The following CSMD2 variants were observed in gnomAD, a reference collection of about 807,000 sequenced individuals.
The protein encoded by CSMD2 is CUB and sushi domain-containing protein 2.
CSMD2 carries 130 observed loss-of-function variants against 398.5 expected under a neutral mutation model. The observed-to-expected ratio is 0.33, with a 90% CI of 0.28 to 0.38. CSMD2 has a LOEUF of 0.38. Ranked by LOEUF, CSMD2 falls within the 10% of genes least tolerant of loss-of-function variation. CSMD2 has a pLI of 1.00. For missense variants in CSMD2, 3,829 were observed against 4,764.9 expected, an observed-to-expected ratio of 0.80 and a Z score of 5.78; for synonymous variants, 1,828 against 1,908.5, an observed-to-expected ratio of 0.96 and a Z score of 1.10.
At chr1:33,616,570 CT>C (rs1641402223) in intron 39 of CSMD2, among the ~76,000 whole-genome samples, 2 of 152,214 alleles carry the variant, frequency 1.3e-5, no homozygotes, top group African/African-American at 2.4e-5. Context: ...ATTTGTCTGT[CT>C]GTCCCACAAG....
chr1:33,694,610 C>T (rs539734671), intron 24 of CSMD2, among the ~76,000 whole-genome samples: 40 of 152,266 alleles, frequency 2.6e-4, no homozygotes, highest in African/African-American at 7.5e-4. Context: ...CTTCCCCTTC[C>T]GCCATGATTG....
chr1:33,869,044 C>T (rs1640253420), intron 5 of CSMD2: 1 of 152,222 alleles, frequency 6.6e-6, no homozygotes, highest in South Asian at 2.1e-4. Context: ...GCCGGAGCAA[C>T]TGGAGGTGTG....
chr1:33,602,563 A>G lies in CSMD2; in HGVS notation c.6533-17T>C, dbSNP rs765506088. On this transcript the variant is annotated splice_polypyrimidine_tract_variant and intron_variant, in intron 42 of 70. Coordinates refer to ENST00000373381, the MANE Select transcript of CSMD2 (RefSeq NM_001281956.2). ...CACAAGGGACTGCCAGGGAGGGAACACAAACGTAAGTGCAGGGCCTCGGTA... is the reference window on the plus strand; with the variant it reads ...CACAAGGGACTGCCAGGGAGGGAACGCAAACGTAAGTGCAGGGCCTCGGTA... 1 of 1,574,908 alleles carries G rather than the reference A, an allele frequency of 6.3e-7. No individual in the cohort carries two copies. The highest frequency in any genetic ancestry group is 2.3e-5 in the East Asian group (1 of 43,950).
chr1:34,080,957 A>AGAAAGAAAGAAAGAAAGAAAGAAG lies in CSMD2; in HGVS notation c.404+8019_404+8020insCTTCTTTCTTTCTTTCTTTCTTTC, dbSNP rs1558349616. On this transcript the variant is annotated intron_variant, in intron 2 of 70. Transcript: ENST00000373381. ...AAGAAAGAAAGAAAGAAAGAAAGAA[A>AGAAAGAAAGAAAGAAAGAAAGAAG]GAAAGAAAGAAAGAAAGAAATGCAC... 5.1e-5 allele frequency among the ~76,000 whole-genome samples: 7 copies of AGAAAGAAAGAAAGAAAGAAAGAAG among 136,498 alleles called. No homozygotes were observed. In the East Asian group the frequency reaches 1.2e-3, roughly 23 times the overall value. The allele number at this position is 136,498 out of a possible 152,430, so 89.5% of individuals were successfully genotyped here.
chr1:33,525,151 C>T, intron 65 of CSMD2, 108 bp from the exon 66 acceptor site: 1 of 1,157,488 alleles, frequency 8.6e-7, no homozygotes, highest in Non-Finnish European at 1.3e-6. Context: ...TTCCTTTCCC[C>T]AATGTCTACC....
chr1:34,139,352 T>G (rs556081635), intron 1 of CSMD2, among the ~76,000 whole-genome samples: 63 of 152,292 alleles, frequency 4.1e-4, no homozygotes, highest in Middle Eastern at 3.4e-3. Context: ...ACCATGGGAC[T>G]CTGCAGAGAG....
intron 13 of CSMD2, among the ~76,000 whole-genome samples, chr1:33,757,391 C>T (rs1355306780): frequency 2.0e-5 from 3 of 152,028 alleles, no homozygotes; most frequent in Admixed American, 6.6e-5. Context: ...TGTCTTCTTC[C>T]CCAAACTTGA....
intron 5 of CSMD2, among the ~76,000 whole-genome samples, chr1:33,850,226 C>T (rs371885530): frequency 1.6e-4 from 25 of 151,786 alleles, no homozygotes; most frequent in African/African-American, 2.4e-4. Context: ...TGAGTGTGCA[C>T]GCACACACAC....
intron 3 of CSMD2, among the ~76,000 whole-genome samples, chr1:33,987,897 CA>C (rs926839287): frequency 2.6e-5 from 4 of 152,310 alleles, no homozygotes; most frequent in African/African-American, 9.6e-5. Flanking sequence ...TGCTTTAATT[CA>C]CACCTGCATC....
rs531360346 is a variant in CSMD2 at position 33,550,167 on chromosome 1, T to C, written c.8917+10A>G. 34 of 1,611,460 alleles carry C rather than the reference T, an allele frequency of 2.1e-5. No homozygotes were observed. The South Asian group carries it at 2.9e-4, about 14-fold the overall frequency. Reference sequence around the variant, plus strand: ...CACTGGAGCTCTTTCCTCAATGCCATGCACCATACCTGAGCAGTGAGGGAG... The same window carrying C: ...CACTGGAGCTCTTTCCTCAATGCCACGCACCATACCTGAGCAGTGAGGGAG... On this transcript the variant is annotated intron_variant, in intron 56 of 70. Transcript: ENST00000373381.
At chr1:33,778,281 G>A (rs183357546) in intron 12 of CSMD2, among the ~76,000 whole-genome samples, 7 of 151,988 alleles carry the variant, frequency 4.6e-5, no homozygotes, top group African/African-American at 9.7e-5. Flanking sequence ...CTGCAGCCTC[G>A]AACTCCTGGG....
chr1:33,540,765 T>C lies in CSMD2; in HGVS notation c.9458-67A>G, dbSNP rs988164009. 6.9e-5 allele frequency: 108 copies of C among 1,570,124 alleles called. 1 individual carries two copies. The highest frequency in any genetic ancestry group is 1.4e-4 in the Admixed American group (8 of 58,864). On this transcript the variant is annotated intron_variant, in intron 59 of 70. Coordinates refer to ENST00000373381, the MANE Select transcript of CSMD2 (RefSeq NM_001281956.2). ...GGGAAACCAGCCCCCGTCACCATCA[T>C]TGATATCACCGACTACCCTGCACCC...
At chr1:34,076,928 A>AAAAAAAAAAAAAAAAATATATAT (rs1232288848) in intron 2 of CSMD2, among the ~76,000 whole-genome samples, 1 of 53,596 alleles carries the variant, frequency 1.9e-5, no homozygotes, top group African/African-American at 8.6e-5. Context: ...AAAAAAAAAA[A>AAAAAAAAAAAAAAAAATATATAT]ATATATATAT....
Position 33,835,688 on chromosome 1 carries a change from CAA to C in CSMD2, c.1034-9916_1034-9915del, listed in dbSNP as rs1553226546. Among the ~76,000 whole-genome samples, 15 of 9,442 alleles carry C rather than the reference CAA, an allele frequency of 1.6e-3. No homozygotes were observed. The East Asian group carries it at 0.068, about 43-fold the overall frequency. 6.2% of individuals were successfully genotyped at this position (9,442 alleles called of 152,430 possible). On this transcript the variant is annotated intron_variant, in intron 6 of 70. Transcript: ENST00000373381. Reference sequence around the variant, plus strand: ...TAAATTAAAACAAAACAAAACAAAACAAAAAAAACAAACAAAAATACATTTCA... The same window carrying C: ...TAAATTAAAACAAAACAAAACAAAACAAAAAACAAACAAAAATACATTTCA...
At chr1:33,616,831 CA>C in intron 39 of CSMD2, 74 bp downstream of exon 39, 1 of 1,148,794 alleles carries the variant, frequency 8.7e-7, no homozygotes, top group South Asian at 1.3e-5. Flanking sequence ...AACTTGAACT[CA>C]ATGATACACT....
At chr1:33,948,539 A>G (rs1206218118) in intron 3 of CSMD2, among the ~76,000 whole-genome samples, 1 of 152,216 alleles carries the variant, frequency 6.6e-6, no homozygotes, top group Non-Finnish European at 1.5e-5. Context: ...CAGCTCTTAC[A>G]TTCACACACA....
At chr1:34,144,386 T>C (rs57051082) in intron 1 of CSMD2, among the ~76,000 whole-genome samples, 2,040 of 152,280 alleles carry the variant, frequency 0.013, 38 homozygotes, top group African/African-American at 0.046. Context: ...CTCTGACCCT[T>C]AACTCTCTCC....
intron 28 of CSMD2, among the ~76,000 whole-genome samples, chr1:33,648,351 G>C (rs1364305528): frequency 7.2e-6 from 1 of 138,598 alleles, no homozygotes; most frequent in Non-Finnish European, 1.5e-5. Context: ...GACAGAGCGA[G>C]ACTCTGTCTC....
Position 33,633,679 on chromosome 1 carries a change from T to C in CSMD2, c.5087-144A>G, listed in dbSNP as rs895791148. The C allele has an allele frequency of 1.6e-6, 1 of 639,920 alleles. No individual in the cohort carries two copies. Among genetic ancestry groups the C allele is most frequent in the Admixed American group, 2.5e-5 (1 of 40,720 alleles). 39.6% of individuals were successfully genotyped at this position (639,920 alleles called of 1,614,324 possible). Reference sequence around the variant, plus strand: ...GGCTGTGGCTTGCTGCACTGGTTAGTGCAGTGGCACAGTCTGGCAGTGGCC... The same window carrying C: ...GGCTGTGGCTTGCTGCACTGGTTAGCGCAGTGGCACAGTCTGGCAGTGGCC... On this transcript the variant is annotated intron_variant, in intron 31 of 70. Coordinates refer to ENST00000373381, the MANE Select transcript of CSMD2 (RefSeq NM_001281956.2). The surrounding 1 kb of genome is among the most constrained non-coding windows in gnomAD (Gnocchi z 5.0).
Sources: gnomAD v4.1 joint callset for allele counts (sites outside exome capture counted in the v4.1 genomes callset) on GRCh38, gnomAD v4.1.1 for gene constraint, Gnocchi (gnomAD v3.1) non-coding constraint, MANE v1.5 for transcripts, NCBI Gene and HGNC (gene_info 2026-07-23, HGNC 2026-07-21) for gene names.